The following MYO5A variants were observed in gnomAD, a reference collection of about 807,000 sequenced individuals.
MYO5A encodes the protein unconventional myosin-Va.
A neutral mutation model predicts 249.7 loss-of-function variants in MYO5A; 98 were observed. The ratio of observed to expected loss-of-function variants is 0.39; its 90% CI spans 0.33 to 0.46. The LOEUF is 0.46. Ranked by LOEUF, MYO5A falls within the 20% of genes least tolerant of loss-of-function variation. MYO5A has a pLI of 0.98. For missense variants in MYO5A, 1,696 were observed against 2,308.8 expected (o/e 0.73, Z 5.44); for synonymous variants, 778 against 810.6 (o/e 0.96, Z 0.68).
At chr15:52,492,795 C>A (rs2076960151) in intron 1 of MYO5A, among the ~76,000 whole-genome samples, 1 of 152,196 alleles carries the variant, frequency 6.6e-6, no homozygotes, top group Non-Finnish European at 1.5e-5. Context: ...GAGGATATAG[C>A]TGACATAAGA....
intron 32 of MYO5A, among the ~76,000 whole-genome samples, chr15:52,339,150 C>T (rs1372125371): frequency 2.0e-5 from 3 of 152,060 alleles, no homozygotes; most frequent in African/African-American, 7.2e-5. Context: ...AAAAAGAATA[C>T]CTTTGCGTTT....
At chr15:52,450,393 G>C (rs1335461218) in intron 1 of MYO5A, among the ~76,000 whole-genome samples, 1 of 151,874 alleles carries the variant, frequency 6.6e-6, no homozygotes, top group Non-Finnish European at 1.5e-5. Context: ...GGGGCTGGGA[G>C]CAGTGGATCA....
intron 4 of MYO5A, among the ~76,000 whole-genome samples, chr15:52,421,170 A>T (rs572531865): frequency 6.6e-6 from 1 of 152,344 alleles, no homozygotes; most frequent in South Asian, 2.1e-4. Context: ...ATCACAGGGC[A>T]GCTGAGTTTC....
intron 36 of MYO5A, among the ~76,000 whole-genome samples, 159 bp downstream of exon 36, chr15:52,327,693 C>G (rs2038677060): frequency 6.6e-6 from 1 of 152,094 alleles, no homozygotes; most frequent in African/African-American, 2.4e-5. Context: ...CTAGGTGACA[C>G]AGCAAAACCC....
intron 1 of MYO5A, among the ~76,000 whole-genome samples, chr15:52,462,109 CA>C (rs1160896737): frequency 2.1e-5 from 3 of 144,456 alleles, no homozygotes; most frequent in Non-Finnish European, 4.6e-5. Flanking sequence ...TAAAAAAATA[CA>C]AAAAAATTAG....
At chr15:52,352,802 GA>G (rs199795467) in intron 27 of MYO5A, among the ~76,000 whole-genome samples, 8 of 150,430 alleles carry the variant, frequency 5.3e-5, no homozygotes, top group African/African-American at 1.5e-4. Context: ...AAAGAAAAAA[GA>G]AAAAAAAACT....
intron 9 of MYO5A, among the ~76,000 whole-genome samples, chr15:52,399,389 C>T (rs1298196444): frequency 6.6e-6 from 1 of 152,180 alleles, no homozygotes; most frequent in Non-Finnish European, 1.5e-5. Context: ...CCTCAAACTC[C>T]TGGACTCAAG....
intron 36 of MYO5A, 59 bp downstream of exon 36, chr15:52,327,793 G>C: frequency 6.7e-7 from 1 of 1,494,936 alleles, no homozygotes. Context: ...AGATCAATCA[G>C]TGCAGATTCT....
intron 1 of MYO5A, among the ~76,000 whole-genome samples, chr15:52,487,114 CTG>C (rs1390791394): frequency 2.4e-4 from 36 of 152,162 alleles, no homozygotes; most frequent in Non-Finnish European, 7.4e-5. Context: ...GTATGGAACA[CTG>C]TGCTAAAATG....
chr15:52,523,807 C>A (rs2141669040), intron 1 of MYO5A, among the ~76,000 whole-genome samples: 1 of 152,284 alleles, frequency 6.6e-6, no homozygotes, highest in East Asian at 1.9e-4. Context: ...AAGGGCATGA[C>A]AGGAGACTTG....
intron 1 of MYO5A, among the ~76,000 whole-genome samples, chr15:52,526,345 A>C (rs1406170941): frequency 1.3e-5 from 2 of 151,966 alleles, no homozygotes; most frequent in African/African-American, 4.8e-5. Flanking sequence ...CGCAGGCGTG[A>C]CTAACTCGCC....
Position 52,512,045 on chromosome 15 carries a change from C to A in MYO5A, c.27+16735G>T, listed in dbSNP as rs890216109. Among the ~76,000 whole-genome samples the A allele has an allele frequency of 5.9e-5, 9 of 152,084 alleles. No homozygotes were observed. In the South Asian group the frequency reaches 1.7e-3, roughly 28 times the overall value. On this transcript the variant is annotated intron_variant, in intron 1 of 41. Coordinates refer to ENST00000399233, the MANE Select transcript of MYO5A (RefSeq NM_001382347.1). Reference sequence around the variant, plus strand: ...GGGCGTGGTGGCAGGCGCCTGTAGTCCCAGCCGTTCGTGAGGCTGAGGCAG... The same window carrying A: ...GGGCGTGGTGGCAGGCGCCTGTAGTACCAGCCGTTCGTGAGGCTGAGGCAG...
chr15:52,332,422 T>C (rs925493086), intron 34 of MYO5A, among the ~76,000 whole-genome samples: 9 of 152,208 alleles, frequency 5.9e-5, no homozygotes, highest in African/African-American at 2.2e-4. Flanking sequence ...TGAAATACAA[T>C]GGATATTTTT....
At chr15:52,475,541 C>T (rs2076573973) in intron 1 of MYO5A, among the ~76,000 whole-genome samples, 1 of 152,142 alleles carries the variant, frequency 6.6e-6, no homozygotes. Context: ...ATAAATTTCC[C>T]TCTACACACT....
intron 25 of MYO5A, among the ~76,000 whole-genome samples, chr15:52,355,265 T>A (rs1241358531): frequency 6.6e-6 from 1 of 152,258 alleles, no homozygotes; most frequent in Admixed American, 6.5e-5. Context: ...GTTCTGTATC[T>A]GTGGGTTCCA....
At chr15:52,388,581 G>A (rs752570035) in intron 13 of MYO5A, among the ~76,000 whole-genome samples, 2 of 152,162 alleles carry the variant, frequency 1.3e-5, no homozygotes, top group African/African-American at 2.4e-5. Context: ...AGGAGACCCT[G>A]TGAAACTTAC....
chr15:52,423,798 C>G (rs568432998), intron 4 of MYO5A, among the ~76,000 whole-genome samples: 2 of 152,182 alleles, frequency 1.3e-5, no homozygotes, highest in African/African-American at 4.8e-5. Flanking sequence ...CCTTGAGTGA[C>G]TGAGTCACAA....
At chr15:52,476,994 A>G (rs1022677331) in intron 1 of MYO5A, among the ~76,000 whole-genome samples, 2 of 152,186 alleles carry the variant, frequency 1.3e-5, no homozygotes, top group Non-Finnish European at 2.9e-5. Flanking sequence ...GTGTTTTCCA[A>G]CTTGGTTCCA....
chr15:52,361,052 G>A (rs1297669662), intron 24 of MYO5A, among the ~76,000 whole-genome samples: 1 of 152,128 alleles, frequency 6.6e-6, no homozygotes, highest in Non-Finnish European at 1.5e-5. Context: ...CAGGCTTATG[G>A]AGAGCAGACT....
Sources: allele counts gnomAD v4.1 joint callset (sites outside exome capture counted in the v4.1 genomes callset), GRCh38; gene constraint gnomAD v4.1.1; transcripts MANE v1.5; gene names NCBI Gene and HGNC (gene_info 2026-07-23, HGNC 2026-07-21).